Variants in DOCK3 observed in about 807,000 individuals in gnomAD.
The protein encoded by DOCK3 is dedicator of cytokinesis 3, also known as dedicator of cytokinesis protein 3.
In DOCK3, 60 loss-of-function variants were observed where a neutral mutation model predicts 265.6. The observed-to-expected ratio is 0.23, with a 90% CI of 0.18 to 0.28. The LOEUF is 0.28. DOCK3 is among the 10% of genes least tolerant of loss of function. The pLI is 1.00. For synonymous variants in DOCK3, 881 were observed against 938.0 expected (o/e 0.94, Z 1.11); for missense variants, 1,981 against 2,594.3 (o/e 0.76, Z 5.14).
intron 5 of DOCK3, among the ~76,000 whole-genome samples, chr3:50,934,437 A>G (rs1293082399): frequency 1.3e-5 from 2 of 152,230 alleles, no homozygotes; most frequent in African/African-American, 4.8e-5. Flanking sequence ...AGTGGTGGGT[A>G]TAAAGGCCGA....
At chr3:51,330,359 G>T in intron 33 of DOCK3, 136 bp downstream of exon 33, 1 of 678,352 alleles carries the variant, frequency 1.5e-6, no homozygotes. Context: ...CCTGATGGTA[G>T]CAATGCTCAA....
At chr3:51,179,661 A>G (rs755743717) in intron 12 of DOCK3, among the ~76,000 whole-genome samples, 2 of 152,178 alleles carry the variant, frequency 1.3e-5, no homozygotes, top group Non-Finnish European at 2.9e-5. Flanking sequence ...TAATACCAGC[A>G]CTTTGGGAAG....
Position 51,383,921 on chromosome 3 carries a change from CA to C in DOCK3, c.*2364del, listed in dbSNP as rs2088821329. The stretch of plus-strand genomic sequence containing the variant: ...TCCCGCATTCTGTGCTTATTTAAAA[CA>C]AGGAAACTTCTAACCATTTCTTTTG... On this transcript the variant is annotated 3_prime_UTR_variant, in exon 53 of 53. Coordinates refer to ENST00000266037, the MANE Select transcript of DOCK3 (RefSeq NM_004947.5). 1 of 152,534 alleles carries C rather than the reference CA, an allele frequency of 6.6e-6. No homozygotes were observed. Among genetic ancestry groups the C allele is most frequent in the South Asian group, 2.1e-4 (1 of 4,828 alleles). The allele number at this position is 152,534 out of a possible 1,614,324, so 9.4% of individuals were successfully genotyped here. A position where few individuals can be genotyped will look rare whatever the true frequency, so the allele number is the denominator to read the frequency against.
chr3:51,212,721 TG>T, intron 13 of DOCK3, among the ~76,000 whole-genome samples: 1 of 152,196 alleles, frequency 6.6e-6, no homozygotes, highest in Middle Eastern at 3.2e-3. Flanking sequence ...AGTCCACCAG[TG>T]ATTAGGCTTA....
intron 16 of DOCK3, among the ~76,000 whole-genome samples, chr3:51,227,707 T>G (rs1334340651): frequency 1.3e-5 from 2 of 152,206 alleles, no homozygotes; most frequent in African/African-American, 4.8e-5. Context: ...CTCCTTTGAG[T>G]ATTCCTTTGT....
intron 5 of DOCK3, among the ~76,000 whole-genome samples, chr3:50,947,736 A>G (rs549876400): frequency 6.6e-6 from 1 of 152,168 alleles, no homozygotes; most frequent in Admixed American, 6.5e-5. Context: ...CCCGAAATAA[A>G]TAGAGGAGAT....
At chr3:51,045,281 A>T (rs2080724960) in intron 5 of DOCK3, among the ~76,000 whole-genome samples, 1 of 152,082 alleles carries the variant, frequency 6.6e-6, no homozygotes, top group Non-Finnish European at 1.5e-5. Context: ...GACTGAGGAG[A>T]GGGAAAGAGA....
intron 28 of DOCK3, among the ~76,000 whole-genome samples, chr3:51,310,837 G>A (rs2083030740): frequency 6.6e-6 from 1 of 152,210 alleles, no homozygotes; most frequent in African/African-American, 2.4e-5. Context: ...GATGCATGTG[G>A]TAAGGGGCTG....
chr3:50,724,917 T>C (rs927896636), intron 1 of DOCK3, among the ~76,000 whole-genome samples: 5 of 151,442 alleles, frequency 3.3e-5, no homozygotes, highest in Non-Finnish European at 5.9e-5. Context: ...CACTTGAATC[T>C]GGGAGGCAGA....
intron 2 of DOCK3, among the ~76,000 whole-genome samples, chr3:50,823,865 T>C (rs1391217259): frequency 6.6e-6 from 1 of 152,252 alleles, no homozygotes; most frequent in Admixed American, 6.5e-5. Flanking sequence ...TTAACCACCA[T>C]GTCCTAGGTA....
Position 50,811,083 on chromosome 3 carries a change from C to A in DOCK3, c.122-30592C>A, listed in dbSNP as rs147810285. ...CAATCAGAATATAAAAGATCTCTTA[C>A]AAACCAAGAAGAATAAATAATAGGT... On this transcript the variant is annotated intron_variant, in intron 2 of 52. Coordinates refer to ENST00000266037, the MANE Select transcript of DOCK3 (RefSeq NM_004947.5). 8.8e-3 allele frequency among the ~76,000 whole-genome samples: 1,344 copies of A among 152,180 alleles called. 26 individuals are homozygous for A. The highest frequency in any genetic ancestry group is 0.029 in the African/African-American group (1,197 of 41,532).
intron 3 of DOCK3, among the ~76,000 whole-genome samples, chr3:50,850,609 C>T (rs1488754185): frequency 6.6e-6 from 1 of 152,184 alleles, no homozygotes; most frequent in African/African-American, 2.4e-5. Context: ...TCTGGAGACA[C>T]TGGCACTTCT....
At chr3:51,122,075 A>G (rs982744768) in intron 9 of DOCK3, among the ~76,000 whole-genome samples, 2 of 152,098 alleles carry the variant, frequency 1.3e-5, no homozygotes, top group Non-Finnish European at 2.9e-5. Flanking sequence ...CCTATCAGCA[A>G]CCCCCTAGGA....
chr3:51,034,963 A>G (rs1384038409), intron 5 of DOCK3, among the ~76,000 whole-genome samples: 1 of 151,938 alleles, frequency 6.6e-6, no homozygotes, highest in Non-Finnish European at 1.5e-5. Context: ...GTTCTGCTCT[A>G]TGTGATTCAT....
chr3:50,683,160 G>C (rs1421526227), intron 1 of DOCK3, among the ~76,000 whole-genome samples: 1 of 152,114 alleles, frequency 6.6e-6, no homozygotes, highest in Non-Finnish European at 1.5e-5. Context: ...ACAACTCTAG[G>C]TTTTATTTTA....
At chr3:51,039,464 T>A (rs2080395811) in intron 5 of DOCK3, among the ~76,000 whole-genome samples, 1 of 152,168 alleles carries the variant, frequency 6.6e-6, no homozygotes, top group African/African-American at 2.4e-5. Flanking sequence ...CTATTTAATT[T>A]TACCAAATCA....
Position 51,243,439 on chromosome 3 carries a change from T to C in DOCK3, c.2103-3287T>C, listed in dbSNP as rs997701932. Among the ~76,000 whole-genome samples the C allele has an allele frequency of 2.0e-5, 3 of 152,192 alleles. No individual in the cohort carries two copies. In the East Asian group the frequency reaches 5.8e-4, roughly 29 times the overall value. On this transcript the variant is annotated intron_variant, in intron 21 of 52. Coordinates refer to ENST00000266037, the MANE Select transcript of DOCK3 (RefSeq NM_004947.5). ...AGGCTATTTTCTGGGTTTTTTTTTTTATAGTGGCCACCCTAATGGGTGTAA... is the reference window on the plus strand; with the variant it reads ...AGGCTATTTTCTGGGTTTTTTTTTTCATAGTGGCCACCCTAATGGGTGTAA...
At position 50,802,456 on chromosome 3, in the gene DOCK3, T is replaced by C. The variant is rs116616880; in HGVS notation, c.121+23698T>C. On this transcript the variant is annotated intron_variant, in intron 2 of 52. Transcript: ENST00000266037. ...AGTATTTCTTGCAAGATCAGTTTAG[T>C]GGTGATGAGTTTTCTTAGTTTTTCT... 9.0e-3 allele frequency among the ~76,000 whole-genome samples: 1,364 copies of C among 152,298 alleles called. 7 individuals carry two copies. Among genetic ancestry groups the C allele is most frequent in the Middle Eastern group, 0.027 (8 of 294 alleles).
At chr3:51,001,949 T>G (rs891584528) in intron 5 of DOCK3, among the ~76,000 whole-genome samples, 2 of 152,202 alleles carry the variant, frequency 1.3e-5, no homozygotes, top group Non-Finnish European at 2.9e-5. Flanking sequence ...GGTCTCACTC[T>G]GTCACCCAGG....
Sources: gnomAD v4.1 joint callset for allele counts (sites outside exome capture counted in the v4.1 genomes callset) on GRCh38, gnomAD v4.1.1 for gene constraint, MANE v1.5 for transcripts, NCBI Gene and HGNC (gene_info 2026-07-23, HGNC 2026-07-21) for gene names.